The following NAALADL2 variants were observed in gnomAD, a reference collection of about 807,000 sequenced individuals.
The protein encoded by NAALADL2 is N-acetylated alpha-linked acidic dipeptidase like 2, also known as inactive N-acetylated-alpha-linked acidic dipeptidase-like protein 2.
Under a neutral mutation model 87.2 loss-of-function variants are expected in NAALADL2, and 76 were observed. The ratio of observed to expected loss-of-function variants is 0.87; its 90% confidence interval spans 0.72 to 1.05. NAALADL2 has a LOEUF of 1.05. Among genes scored for constraint, NAALADL2 ranks in the 50% least tolerant of loss-of-function variants. The probability of loss-of-function intolerance (pLI) is 0.00; values close to 1 mark genes in which losing one functional copy is unlikely to be tolerated. For synonymous variants in NAALADL2, 354 were observed against 331.0 expected, an observed-to-expected ratio of 1.07 and a Z score of -0.75; for missense variants, 1,089 against 945.8, an observed-to-expected ratio of 1.15 and a Z score of -1.99.
intron 2 of NAALADL2, among the ~76,000 whole-genome samples, chr3:174,667,626 T>C (rs1726099083): frequency 6.6e-6 from 1 of 151,480 alleles, no homozygotes; most frequent in South Asian, 2.1e-4. Context: ...GAGAGTTTTA[T>C]AGTGGGCATA....
At chr3:174,841,621 A>T (rs16864944) in intron 3 of NAALADL2, among the ~76,000 whole-genome samples, 15,791 of 152,194 alleles carry the variant, frequency 0.1, 953 homozygotes, top group Middle Eastern at 0.15. Context: ...GCTGGAAAGG[A>T]CACTTCTCTT....
chr3:174,786,059 A>G (rs1716602537), intron 3 of NAALADL2, among the ~76,000 whole-genome samples: 1 of 152,142 alleles, frequency 6.6e-6, no homozygotes, highest in African/African-American at 2.4e-5. Flanking sequence ...ACTGGTACCA[A>G]AAGGCCAGGG....
chr3:174,752,100 C>T (rs1029896909), intron 3 of NAALADL2, among the ~76,000 whole-genome samples: 18 of 152,004 alleles, frequency 1.2e-4, no homozygotes, highest in Admixed American at 8.5e-4. Flanking sequence ...GCCTCAGCCT[C>T]TCGAGTAGCT....
At chr3:175,730,400 ATATAT>A (rs1184719091) in intron 11 of NAALADL2, among the ~76,000 whole-genome samples, 10 of 6,778 alleles carry the variant, frequency 1.5e-3, no homozygotes, top group Non-Finnish European at 1.1e-3. Flanking sequence ...ATACAGATAT[ATATAT>A]ATATATATAT....
chr3:175,490,236 G>T (rs1401001523), intron 9 of NAALADL2, among the ~76,000 whole-genome samples: 1 of 151,324 alleles, frequency 6.6e-6, no homozygotes, highest in Non-Finnish European at 1.5e-5. Flanking sequence ...GAGACAGAGA[G>T]GTATTAAGTC....
intron 5 of NAALADL2, among the ~76,000 whole-genome samples, chr3:175,334,029 T>A (rs1761710296): frequency 6.6e-6 from 1 of 152,192 alleles, no homozygotes; most frequent in Non-Finnish European, 1.5e-5. Flanking sequence ...GTTTGCATCA[T>A]CTTTTGAATG....
intron 3 of NAALADL2, among the ~76,000 whole-genome samples, chr3:175,237,596 A>G (rs1746119730): frequency 6.6e-6 from 1 of 152,058 alleles, no homozygotes; most frequent in Admixed American, 6.6e-5. Context: ...TTTAAATGAA[A>G]CAGTTGTTTT....
intron 1 of NAALADL2, among the ~76,000 whole-genome samples, chr3:174,889,292 T>C (rs1467865411): frequency 5.3e-5 from 8 of 152,216 alleles, no homozygotes; most frequent in African/African-American, 1.7e-4. Context: ...TGTTAGTCTA[T>C]TAGGCAATAA....
chr3:175,182,251 T>C (rs932922993), intron 2 of NAALADL2, among the ~76,000 whole-genome samples: 5 of 152,142 alleles, frequency 3.3e-5, no homozygotes, highest in Admixed American at 6.6e-5. Flanking sequence ...GCTATTTGTT[T>C]TCCTGCTATT....
chr3:175,418,095 C>T (rs1714989769), intron 5 of NAALADL2, among the ~76,000 whole-genome samples: 2 of 151,826 alleles, frequency 1.3e-5, no homozygotes, highest in African/African-American at 4.8e-5. Context: ...AAAAGGAGAG[C>T]TGAAGTATAG....
chr3:175,341,570 G>C (rs1156798984), intron 5 of NAALADL2, among the ~76,000 whole-genome samples: 1 of 152,086 alleles, frequency 6.6e-6, no homozygotes, highest in Non-Finnish European at 1.5e-5. Flanking sequence ...TTAGTTGTTT[G>C]AAGAACTGAC....
intron 1 of NAALADL2, among the ~76,000 whole-genome samples, chr3:174,936,356 C>T (rs889170533): frequency 6.6e-5 from 10 of 151,886 alleles, no homozygotes; most frequent in African/African-American, 2.4e-4. Context: ...TAATAATAAT[C>T]TGTTTAGATC....
chr3:175,565,199 A>G (rs1354112634), intron 9 of NAALADL2, among the ~76,000 whole-genome samples: 5 of 152,176 alleles, frequency 3.3e-5, no homozygotes, highest in African/African-American at 9.7e-5. Flanking sequence ...CTGCCATTCC[A>G]TTCACTATTC....
intron 2 of NAALADL2, among the ~76,000 whole-genome samples, chr3:174,715,202 C>T (rs1009513609): frequency 2.6e-5 from 4 of 152,234 alleles, no homozygotes; most frequent in East Asian, 1.9e-4. Context: ...AATATATCAC[C>T]TAGTTATACC....
At chr3:175,658,856 A>T (rs1355927839) in intron 11 of NAALADL2, among the ~76,000 whole-genome samples, 1 of 152,154 alleles carries the variant, frequency 6.6e-6, no homozygotes, top group Non-Finnish European at 1.5e-5. Flanking sequence ...AGTATCCCAC[A>T]AATAATTATT....
chr3:174,759,491 G>C (rs1240106171), intron 3 of NAALADL2, among the ~76,000 whole-genome samples: 1 of 152,126 alleles, frequency 6.6e-6, no homozygotes, highest in Non-Finnish European at 1.5e-5. Context: ...AAGCATTTTT[G>C]TTAGCTCTTG....
At chr3:174,829,239 A>G in intron 3 of NAALADL2, among the ~76,000 whole-genome samples, 1 of 151,398 alleles carries the variant, frequency 6.6e-6, no homozygotes, top group Non-Finnish European at 1.5e-5. Flanking sequence ...AGCATTAGGT[A>G]TATCTCCCAG....
At chr3:175,149,766 C>A (rs79821607) in intron 2 of NAALADL2, among the ~76,000 whole-genome samples, 3,675 of 152,238 alleles carry the variant, frequency 0.024, 76 homozygotes, top group Non-Finnish European at 0.038. Flanking sequence ...TGAACAGATT[C>A]AATTCATCAT....
intron 1 of NAALADL2, among the ~76,000 whole-genome samples, chr3:175,051,806 C>T (rs569305417): frequency 6.0e-4 from 91 of 152,266 alleles, no homozygotes; most frequent in African/African-American, 2.1e-3. Context: ...GAAGGTAAAG[C>T]GTGACTGTGG....
Sources: gnomAD v4.1 joint callset for allele counts (sites outside exome capture counted in the v4.1 genomes callset) on GRCh38, gnomAD v4.1.1 for gene constraint, MANE v1.5 for transcripts, NCBI Gene and HGNC (gene_info 2026-07-23, HGNC 2026-07-21) for gene names.